Variants in BRINP3 observed in about 807,000 individuals in gnomAD.
The protein encoded by BRINP3 is BMP/retinoic acid-inducible neural-specific protein 3.
BRINP3 carries 19 observed loss-of-function variants against 71.0 expected under a neutral mutation model. That is an observed-to-expected ratio of 0.27 (90% CI 0.19 to 0.39). BRINP3 has a LOEUF of 0.39. Among genes scored for constraint, BRINP3 ranks in the 10% least tolerant of loss-of-function variants. The pLI is 1.00. For synonymous variants in BRINP3, 380 were observed against 337.7 expected (o/e 1.13, Z -1.37); for missense variants, 959 against 940.8 (o/e 1.02, Z -0.25).
Position 190,114,526 on chromosome 1 carries a change from CTGTGTGTGTG to C in BRINP3, c.1185-15402_1185-15393del, listed in dbSNP as rs34766118. 2.7e-4 allele frequency among the ~76,000 whole-genome samples: 38 copies of C among 143,132 alleles called. 1 individual carries two copies. In the South Asian group the frequency reaches 6.8e-3, roughly 26 times the overall value. The allele number at this position is 143,132 out of a possible 152,430, so 93.9% of individuals were successfully genotyped here. On this transcript the variant is annotated intron_variant, in intron 7 of 7. Coordinates refer to ENST00000367462, the MANE Select transcript of BRINP3 (RefSeq NM_199051.3). ...AAATATTTTAGAAATAAGTTTGCCA[CTGTGTGTGTG>C]TGTGTGTGTGTGTGTGTGTGTGTGT...
intron 6 of BRINP3, among the ~76,000 whole-genome samples, chr1:190,181,159 A>G (rs1652997315): frequency 6.6e-6 from 1 of 152,054 alleles, no homozygotes; most frequent in Admixed American, 6.6e-5. Context: ...CAGACAATAC[A>G]TGGTTTTCTC....
chr1:190,232,865 C>G (rs1658126836), intron 5 of BRINP3, among the ~76,000 whole-genome samples: 1 of 152,046 alleles, frequency 6.6e-6, no homozygotes, highest in Admixed American at 6.6e-5. Flanking sequence ...GAAGGTTAAT[C>G]CATACATTAA....
intron 7 of BRINP3, among the ~76,000 whole-genome samples, chr1:190,129,655 G>A (rs1336873363): frequency 6.6e-6 from 1 of 151,862 alleles, no homozygotes; most frequent in African/African-American, 2.4e-5. Flanking sequence ...AGCAAACAAA[G>A]GATTGTTTTT....
chr1:190,354,887 A>AT (rs1201273147), intron 2 of BRINP3, among the ~76,000 whole-genome samples: 4 of 151,380 alleles, frequency 2.6e-5, no homozygotes, highest in Admixed American at 1.3e-4. Flanking sequence ...AAATTTGACA[A>AT]TTTTTCCCAT....
chr1:190,266,300 A>T (rs79824980), intron 3 of BRINP3, among the ~76,000 whole-genome samples: 1,595 of 152,308 alleles, frequency 0.01, 24 homozygotes, highest in African/African-American at 0.036. Flanking sequence ...AAAATGACAT[A>T]GCCCAGGTGA....
At chr1:190,451,437 T>C (rs116140652) in intron 2 of BRINP3, among the ~76,000 whole-genome samples, 599 of 152,300 alleles carry the variant, frequency 3.9e-3, no homozygotes, top group Non-Finnish European at 6.5e-3. Context: ...AGCCTGAGGA[T>C]AGTGTTTCTA....
At chr1:190,436,721 C>A (rs1002970729) in intron 2 of BRINP3, among the ~76,000 whole-genome samples, 1 of 151,586 alleles carries the variant, frequency 6.6e-6, no homozygotes, top group Admixed American at 6.6e-5. Flanking sequence ...TCATATCAAG[C>A]AAATAGAATC....
At chr1:190,365,029 A>G (rs1669391855) in intron 2 of BRINP3, among the ~76,000 whole-genome samples, 1 of 152,180 alleles carries the variant, frequency 6.6e-6, no homozygotes, top group Non-Finnish European at 1.5e-5. Flanking sequence ...CAAAGATGAC[A>G]TGGGAGGGCA....
intron 4 of BRINP3, among the ~76,000 whole-genome samples, chr1:190,258,798 G>T (rs182654897): frequency 3.3e-5 from 5 of 152,172 alleles, no homozygotes; most frequent in Non-Finnish European, 7.3e-5. Context: ...GATAGAGTTG[G>T]TGAGGACAGT....
rs1677580644 is a variant in BRINP3 at position 190,477,642 on chromosome 1, GA to G, written c.-246del. 3 of 151,268 alleles carry G rather than the reference GA, an allele frequency of 2.0e-5. No homozygotes were observed. In the South Asian group the frequency reaches 6.4e-4, roughly 32 times the overall value. 9.4% of individuals were successfully genotyped at this position (151,268 alleles called of 1,614,324 possible). ...AGAGAGCCACGAACCCCCAAGGCAA[GA>G]AAGCAGAATGTGAAAATGCTTTATA... On this transcript the variant is annotated 5_prime_UTR_variant, in exon 1 of 8. Transcript: ENST00000367462.
intron 7 of BRINP3, among the ~76,000 whole-genome samples, chr1:190,100,850 C>T (rs768465870): frequency 2.6e-5 from 4 of 152,076 alleles, no homozygotes; most frequent in Non-Finnish European, 4.4e-5. Flanking sequence ...AATATGTCCC[C>T]CAAAGTTCAT....
chr1:190,310,973 A>T (rs981237128), intron 2 of BRINP3, among the ~76,000 whole-genome samples: 3 of 151,774 alleles, frequency 2.0e-5, no homozygotes, highest in African/African-American at 7.2e-5. Context: ...TTCCATAACC[A>T]GCATGTAGGG....
intron 6 of BRINP3, among the ~76,000 whole-genome samples, chr1:190,206,728 A>G (rs920222451): frequency 3.9e-5 from 6 of 152,136 alleles, no homozygotes; most frequent in African/African-American, 1.4e-4. Flanking sequence ...AATTGAGATT[A>G]TTCCTAGAAG....
chr1:190,288,812 A>G (rs1209629453), intron 2 of BRINP3, among the ~76,000 whole-genome samples: 1 of 151,988 alleles, frequency 6.6e-6, no homozygotes, highest in East Asian at 1.9e-4. Context: ...AAGAATTTAT[A>G]AATAAAATCA....
chr1:190,264,779 G>A (rs1342241600), intron 4 of BRINP3, 86 bp downstream of exon 4: 12 of 1,041,394 alleles, frequency 1.2e-5, no homozygotes, highest in Non-Finnish European at 1.7e-5. Context: ...TAAATTCATG[G>A]AATAAGCAAA....
At chr1:190,256,767 A>G (rs1418079354) in intron 4 of BRINP3, among the ~76,000 whole-genome samples, 5 of 152,134 alleles carry the variant, frequency 3.3e-5, no homozygotes, top group East Asian at 1.9e-4. Context: ...GCTGGATATG[A>G]AATTTTGGGT....
rs376036087 is a variant in BRINP3 at position 190,436,861 on chromosome 1, T to C, written c.236+17794A>G. 3.9e-5 allele frequency among the ~76,000 whole-genome samples: 6 copies of C among 151,986 alleles called. No individual in the cohort carries two copies. In the East Asian group the frequency reaches 7.7e-4, roughly 20 times the overall value. ...TATTGTATTTATTGAGCATATGTTA[T>C]GCACATGTCTTTGTGCTACATCCTG... On this transcript the variant is annotated intron_variant, in intron 2 of 7. Transcript: ENST00000367462.
intron 4 of BRINP3, among the ~76,000 whole-genome samples, chr1:190,245,025 G>C (rs1245951077): frequency 6.6e-6 from 1 of 151,876 alleles, no homozygotes; most frequent in African/African-American, 2.4e-5. Flanking sequence ...AAAAGCTTCT[G>C]TCCTAAATAA....
chr1:190,208,817 G>A (rs990803767), intron 6 of BRINP3, among the ~76,000 whole-genome samples: 1 of 151,930 alleles, frequency 6.6e-6, no homozygotes, highest in African/African-American at 2.4e-5. Context: ...TTTTGTATGA[G>A]CTCAAATCCT....
Sources: allele counts gnomAD v4.1 joint callset (sites outside exome capture counted in the v4.1 genomes callset), GRCh38; gene constraint gnomAD v4.1.1; transcripts MANE v1.5; gene names NCBI Gene and HGNC (gene_info 2026-07-23, HGNC 2026-07-21).